The following ATG10 variants were observed in gnomAD, a reference collection of about 807,000 sequenced individuals.
ATG10 encodes the protein autophagy related 10, also known as ubiquitin-like-conjugating enzyme ATG10.
ATG10 carries 30 observed loss-of-function variants against 32.1 expected under a neutral mutation model. The ratio of observed to expected loss-of-function variants is 0.94; its 90% CI spans 0.70 to 1.27. The LOEUF (loss-of-function observed/expected upper bound fraction) is 1.27, where lower values mean the gene tolerates loss of function less well. ATG10 is among the 50% of genes most tolerant of loss of function. ATG10 has a pLI of 0.00. For missense variants in ATG10, 233 were observed against 262.3 expected, an observed-to-expected ratio of 0.89 and a Z score of 0.77; for synonymous variants, 87 against 91.5, an observed-to-expected ratio of 0.95 and a Z score of 0.28.
At chr5:82,166,846 A>G (rs1743605100) in intron 4 of ATG10, among the ~76,000 whole-genome samples, 1 of 152,202 alleles carries the variant, frequency 6.6e-6, no homozygotes, top group African/African-American at 2.4e-5. Flanking sequence ...TTGCTTCAAA[A>G]ATAGTTCACT....
intron 3 of ATG10, 41 bp from the exon 4 acceptor site, chr5:82,164,355 CTTA>C: frequency 1.3e-6 from 2 of 1,589,800 alleles, no homozygotes. Flanking sequence ...TAGTACTTTT[CTTA>C]TTAAGAAACC....
rs557250426 is a variant in ATG10 at position 82,119,951 on chromosome 5, A to C, written c.217-44448A>C. On this transcript the variant is annotated intron_variant, in intron 3 of 7. Transcript: ENST00000282185. The stretch of plus-strand genomic sequence containing the variant: ...TTTTCTTTGGAAATAAAAACACTTG[A>C]AGAATTATTTGGCTGTAGGAGTCCA... Among the ~76,000 whole-genome samples the C allele has an allele frequency of 3.3e-5, 5 of 151,942 alleles. No individual in the cohort carries two copies. In the South Asian group the frequency reaches 1.0e-3, roughly 32 times the overall value.
chr5:82,177,352 T>C (rs1163913997), intron 4 of ATG10, among the ~76,000 whole-genome samples: 1 of 152,194 alleles, frequency 6.6e-6, no homozygotes, highest in African/African-American at 2.4e-5. Context: ...CTACTTATAC[T>C]TGAAAGTCTT....
chr5:82,227,753 G>T (rs1381191754), intron 5 of ATG10, among the ~76,000 whole-genome samples: 1 of 152,170 alleles, frequency 6.6e-6, no homozygotes, highest in East Asian at 1.9e-4. Flanking sequence ...TCTGTGCATA[G>T]ATCCAGGTTC....
rs1418062730 is a variant in ATG10 at position 81,990,473 on chromosome 5, A to C, written c.108+2795A>C. ...ATGCATTTGTGTTTGAAGGGTGAGGAGGCTGGTGCTGAGAAGGATCTTTAG... is the reference window on the plus strand; with the variant it reads ...ATGCATTTGTGTTTGAAGGGTGAGGCGGCTGGTGCTGAGAAGGATCTTTAG... On this transcript the variant is annotated intron_variant, in intron 2 of 7. Coordinates refer to ENST00000282185, the MANE Select transcript of ATG10 (RefSeq NM_031482.5). Among the ~76,000 whole-genome samples the C allele has an allele frequency of 4.6e-5, 7 of 152,278 alleles. No homozygotes were observed. In the East Asian group the frequency reaches 1.2e-3, roughly 25 times the overall value.
chr5:82,008,361 A>T (rs1440751216), intron 2 of ATG10, among the ~76,000 whole-genome samples: 1 of 152,084 alleles, frequency 6.6e-6, no homozygotes, highest in Non-Finnish European at 1.5e-5. Context: ...GTGTTTTTGT[A>T]ATAAACACTA....
At chr5:82,158,220 C>G (rs1254839700) in intron 3 of ATG10, among the ~76,000 whole-genome samples, 2 of 152,126 alleles carry the variant, frequency 1.3e-5, no homozygotes, top group African/African-American at 4.8e-5. Flanking sequence ...ACCATTTAAT[C>G]TTTTAGCTCT....
intron 3 of ATG10, among the ~76,000 whole-genome samples, chr5:82,100,772 GTTTTTTT>G (rs61096885): frequency 8.8e-5 from 10 of 113,984 alleles, no homozygotes; most frequent in African/African-American, 1.7e-4. Flanking sequence ...ACAAGAACTA[GTTTTTTT>G]TTTTTTTTTT....
At chr5:82,224,617 A>G (rs1393592443) in intron 5 of ATG10, among the ~76,000 whole-genome samples, 1 of 152,206 alleles carries the variant, frequency 6.6e-6, no homozygotes, top group African/African-American at 2.4e-5. Flanking sequence ...CTGGAGGGAA[A>G]GAGATGCTTG....
intron 2 of ATG10, among the ~76,000 whole-genome samples, chr5:82,038,113 G>A (rs1762988069): frequency 6.6e-6 from 1 of 152,156 alleles, no homozygotes; most frequent in Non-Finnish European, 1.5e-5. Context: ...CTGAGATAAA[G>A]GTTAGTGTGA....
intron 3 of ATG10, among the ~76,000 whole-genome samples, chr5:82,126,021 T>C (rs1726512040): frequency 6.8e-6 from 1 of 147,424 alleles, no homozygotes; most frequent in Non-Finnish European, 1.5e-5. Flanking sequence ...TCCTAGGTAT[T>C]TAATACTCTT....
intron 3 of ATG10, among the ~76,000 whole-genome samples, chr5:82,138,813 A>G (rs1005346337): frequency 4.7e-5 from 7 of 148,410 alleles, no homozygotes; most frequent in African/African-American, 1.7e-4. Flanking sequence ...ATTTGAAGCT[A>G]TCTAATGAAG....
intron 3 of ATG10, among the ~76,000 whole-genome samples, chr5:82,085,985 A>G (rs547375663): frequency 6.6e-6 from 1 of 152,298 alleles, no homozygotes; most frequent in East Asian, 1.9e-4. Flanking sequence ...TTGAATTAAA[A>G]CAAGAACTTA....
At position 82,195,891 on chromosome 5, in the gene ATG10, T is replaced by TATAA. The variant is rs562017410; in HGVS notation, c.453+17305_453+17308dup. Among the ~76,000 whole-genome samples the TATAA allele has an allele frequency of 1.2e-4, 18 of 152,352 alleles. No homozygotes were observed. In the South Asian group the frequency reaches 3.7e-3, roughly 32 times the overall value. On this transcript the variant is annotated intron_variant, in intron 5 of 7. Transcript: ENST00000282185. ...AATATGTTTTCAGTTTTCTTGTGTA[T>TATAA]ATAACCTAGCAGTAGAATTTCTGGG...
At chr5:82,118,417 T>TATATATATATATATATGTATA (rs1472778722) in intron 3 of ATG10, among the ~76,000 whole-genome samples, 1 of 141,200 alleles carries the variant, frequency 7.1e-6, no homozygotes, top group African/African-American at 2.6e-5. Flanking sequence ...TATGTATATA[T>TATATATATATATATATGTATA]TCCCTAGCAC....
At chr5:82,005,691 G>A (rs1408125178) in intron 2 of ATG10, among the ~76,000 whole-genome samples, 1 of 152,148 alleles carries the variant, frequency 6.6e-6, no homozygotes, top group Non-Finnish European at 1.5e-5. Context: ...TAGGATCTCA[G>A]TTTTCAGTTC....
intron 3 of ATG10, among the ~76,000 whole-genome samples, chr5:82,064,140 T>G (rs1763869923): frequency 2.0e-5 from 3 of 152,206 alleles, no homozygotes; most frequent in Admixed American, 6.5e-5. Flanking sequence ...AGTTTTGTGA[T>G]AATTAATAAG....
intron 2 of ATG10, among the ~76,000 whole-genome samples, chr5:82,033,882 CAT>C (rs751778205): frequency 2.3e-4 from 35 of 149,224 alleles, no homozygotes; most frequent in Admixed American, 3.4e-4. Flanking sequence ...TATCTATAAA[CAT>C]ATTTATAGAT....
At chr5:82,007,748 A>G (rs921859954) in intron 2 of ATG10, among the ~76,000 whole-genome samples, 5 of 152,126 alleles carry the variant, frequency 3.3e-5, no homozygotes, top group Non-Finnish European at 7.4e-5. Context: ...AACCACTGTG[A>G]CAGGCTGGAA....
Sources: allele counts gnomAD v4.1 joint callset (sites outside exome capture counted in the v4.1 genomes callset), GRCh38; gene constraint gnomAD v4.1.1; transcripts MANE v1.5; gene names NCBI Gene and HGNC (gene_info 2026-07-23, HGNC 2026-07-21).